The following MYLK variants were observed in gnomAD, a reference collection of about 807,000 sequenced individuals.
MYLK encodes myosin light chain kinase, smooth muscle.
Under a neutral mutation model 203.4 loss-of-function variants are expected in MYLK, and 106 were observed. The observed-to-expected ratio is 0.52, with a 90% confidence interval of 0.45 to 0.61. MYLK has a LOEUF of 0.61. Among genes scored for constraint, MYLK ranks in the 20% least tolerant of loss-of-function variants. MYLK has a pLI of 0.00. For synonymous variants in MYLK, 867 were observed against 959.5 expected (o/e 0.90, Z 1.78); for missense variants, 2,072 against 2,442.3 (o/e 0.85, Z 3.20).
At chr3:123,765,849 T>C (rs6787256) in intron 4 of MYLK, among the ~76,000 whole-genome samples, 17,713 of 152,174 alleles carry the variant, frequency 0.12, 3,301 homozygotes, top group African/African-American at 0.4. Context: ...TCCACTTATG[T>C]GAGGTACCTA....
intron 1 of MYLK, among the ~76,000 whole-genome samples, chr3:123,882,530 C>CA (rs1444484692): frequency 6.6e-6 from 1 of 152,268 alleles, no homozygotes; most frequent in South Asian, 2.1e-4. Flanking sequence ...GATAAACCAG[C>CA]ATAAATGCTT....
intron 5 of MYLK, among the ~76,000 whole-genome samples, chr3:123,746,009 C>T (rs1462010294): frequency 6.6e-6 from 1 of 152,004 alleles, no homozygotes; most frequent in Non-Finnish European, 1.5e-5. Context: ...AGGCACCCAC[C>T]ACCACATATG....
intron 27 of MYLK, among the ~76,000 whole-genome samples, chr3:123,641,705 C>T (rs1029326922): frequency 6.7e-6 from 1 of 150,104 alleles, no homozygotes; most frequent in African/African-American, 2.5e-5. Context: ...TTCCTTCCTT[C>T]CTTCCTTCCG....
chr3:123,781,405 C>T (rs1214335644), intron 4 of MYLK, among the ~76,000 whole-genome samples: 1 of 152,232 alleles, frequency 6.6e-6, no homozygotes, highest in Non-Finnish European at 1.5e-5. Flanking sequence ...GTCGAGCTCT[C>T]CTGGAGGGTG....
intron 13 of MYLK, among the ~76,000 whole-genome samples, chr3:123,715,537 C>A (rs908333783): frequency 2.0e-5 from 3 of 152,216 alleles, no homozygotes; most frequent in Non-Finnish European, 4.4e-5. Context: ...CCCAACATGG[C>A]GTTTTGGAAA....
chr3:123,843,008 G>A (rs903176818), intron 2 of MYLK, among the ~76,000 whole-genome samples: 16 of 152,224 alleles, frequency 1.1e-4, no homozygotes. Context: ...ATTTAAGACA[G>A]AGGGCTTGCT....
At chr3:123,757,432 ACACAGCTGCAGGG>A (rs1161478444) in intron 4 of MYLK, among the ~76,000 whole-genome samples, 6 of 152,116 alleles carry the variant, frequency 3.9e-5, no homozygotes, top group Non-Finnish European at 7.4e-5. Flanking sequence ...CTACAAACCC[ACACAGCTGCAGGG>A]CACAGCTGCG....
At chr3:123,847,865 T>A (rs187557726) in intron 2 of MYLK, among the ~76,000 whole-genome samples, 1 of 152,214 alleles carries the variant, frequency 6.6e-6, no homozygotes. Flanking sequence ...TCTTCTTGTC[T>A]TATTTGGATA....
chr3:123,722,422 T>C lies in MYLK; in HGVS notation c.1652-142A>G, dbSNP rs1168560525. ...TCCACTGAGGGCTAATGATGTACCA[T>C]GCACATCTCCAGCCAGCTGGACAGA... On this transcript the variant is annotated intron_variant, in intron 12 of 33. Transcript: ENST00000360304. The C allele has an allele frequency of 5.6e-6, 6 of 1,077,422 alleles. No homozygotes were observed. In the East Asian group the frequency reaches 1.3e-4, roughly 23 times the overall value. 66.7% of individuals were successfully genotyped at this position (1,077,422 alleles called of 1,614,324 possible). A position where few individuals can be genotyped will look rare whatever the true frequency, so the allele number is the denominator to read the frequency against.
intron 4 of MYLK, among the ~76,000 whole-genome samples, chr3:123,772,770 T>C (rs966278097): frequency 1.3e-5 from 2 of 151,986 alleles, no homozygotes; most frequent in Admixed American, 1.3e-4. Context: ...ATGTTTAAAA[T>C]TAATCAAACA....
chr3:123,722,541 G>C (rs1319348487), intron 12 of MYLK, among the ~76,000 whole-genome samples: 1 of 152,150 alleles, frequency 6.6e-6, no homozygotes, highest in Non-Finnish European at 1.5e-5. Flanking sequence ...TAGAGGGATG[G>C]GGGAGGGAGA....
At chr3:123,621,687 C>G (rs188887104) in intron 31 of MYLK, 94 of 152,360 alleles carry the variant, frequency 6.2e-4, no homozygotes, top group African/African-American at 2.1e-3. Flanking sequence ...TGTCATGCCT[C>G]CTGCCATCCT....
At chr3:123,715,859 A>G (rs1211764347) in intron 13 of MYLK, 4 of 152,220 alleles carry the variant, frequency 2.6e-5, no homozygotes, top group Admixed American at 2.6e-4. Flanking sequence ...ACCTGCCAAC[A>G]TTTGCTGGTC....
intron 13 of MYLK, among the ~76,000 whole-genome samples, chr3:123,713,147 G>A (rs1228882807): frequency 2.6e-5 from 4 of 152,110 alleles, no homozygotes; most frequent in African/African-American, 4.8e-5. Flanking sequence ...CATTTAGTTC[G>A]GTGTCACTCA....
chr3:123,870,279 C>G (rs2032674820), intron 2 of MYLK, among the ~76,000 whole-genome samples: 1 of 152,212 alleles, frequency 6.6e-6, no homozygotes, highest in Non-Finnish European at 1.5e-5. Context: ...AATGAAAGAT[C>G]AGCCTGGGGC....
intron 33 of MYLK, 25 bp downstream of exon 33, chr3:123,618,614 G>A: frequency 1.2e-6 from 2 of 1,613,560 alleles, no homozygotes; most frequent in Non-Finnish European, 1.7e-6. Context: ...TATTCATGGT[G>A]AAGAGAAGCA....
At chr3:123,883,843 T>C (rs967440732) in intron 1 of MYLK, among the ~76,000 whole-genome samples, 3 of 152,112 alleles carry the variant, frequency 2.0e-5, no homozygotes, top group Non-Finnish European at 4.4e-5. Flanking sequence ...GACCTTCACG[T>C]GGCACCCCCT....
rs2059808155 is a variant in MYLK at position 123,668,436 on chromosome 3, T to C, written c.3653-1249A>G. Among the ~76,000 whole-genome samples, 5 of 151,902 alleles carry C rather than the reference T, an allele frequency of 3.3e-5. No individual in the cohort carries two copies. In the South Asian group the frequency reaches 1.0e-3, roughly 32 times the overall value. ...AAAGGTCACATACTGTATGATTCCA[T>C]TTATACGACATTCTAGAAAAGGCAG... On this transcript the variant is annotated intron_variant, in intron 20 of 33. Transcript: ENST00000360304.
chr3:123,716,920 C>T (rs2061916829), intron 13 of MYLK, among the ~76,000 whole-genome samples: 1 of 152,174 alleles, frequency 6.6e-6, no homozygotes, highest in African/African-American at 2.4e-5. Flanking sequence ...ATGTGGTACA[C>T]AAACCCAATT....
Sources: allele counts gnomAD v4.1 joint callset (sites outside exome capture counted in the v4.1 genomes callset), GRCh38; gene constraint gnomAD v4.1.1; transcripts MANE v1.5; gene names NCBI Gene and HGNC (gene_info 2026-07-23, HGNC 2026-07-21).